WIPF2: variants seen among roughly 807,000 people sequenced by gnomAD.
The protein encoded by WIPF2 is WAS/WASL interacting protein family member 2, also known as WAS/WASL-interacting protein family member 2.
A neutral mutation model predicts 38.8 loss-of-function variants in WIPF2; 23 were observed. The ratio of observed to expected loss-of-function variants is 0.59; its 90% CI spans 0.43 to 0.84. The LOEUF is 0.84. Among genes scored for constraint, WIPF2 ranks in the 40% least tolerant of loss-of-function variants. The pLI, the probability that WIPF2 is intolerant of heterozygous loss-of-function variation, is 0.00. For missense variants in WIPF2, 574 were observed against 580.5 expected (o/e 0.99, Z 0.11); for synonymous variants, 210 against 223.2 (o/e 0.94, Z 0.53).
Position 40,278,552 on chromosome 17 carries a change from C to G in WIPF2, c.*327C>G, listed in dbSNP as rs1395182177. 1 of 316,866 alleles carries G rather than the reference C, an allele frequency of 3.2e-6. No homozygotes were observed. The highest frequency in any genetic ancestry group is 2.1e-5 in the African/African-American group (1 of 47,090). The allele number at this position is 316,866 out of a possible 1,614,324, so 19.6% of individuals were successfully genotyped here. A position where few individuals can be genotyped will look rare whatever the true frequency, so the allele number is the denominator to read the frequency against. On this transcript the variant is annotated 3_prime_UTR_variant, in exon 8 of 8. Transcript: ENST00000323571. ...TGCCTTGTTGTGATGAATTAACTCA[C>G]TGTTAGGGCAGGGTGGAGAATGGTA...
At chr17:40,242,135 T>G (rs950607271) in intron 1 of WIPF2, among the ~76,000 whole-genome samples, 6 of 152,212 alleles carry the variant, frequency 3.9e-5, no homozygotes, top group Non-Finnish European at 7.3e-5. Context: ...AACAGTTTTT[T>G]GGAAGGCTAT....
intron 2 of WIPF2, among the ~76,000 whole-genome samples, chr17:40,257,371 C>T (rs1014764573): frequency 3.3e-5 from 5 of 152,018 alleles, no homozygotes; most frequent in Non-Finnish European, 7.4e-5. Flanking sequence ...AGTTGAACAC[C>T]TTATCAAGAA....
At chr17:40,253,245 G>A (rs1363522485) in intron 1 of WIPF2, among the ~76,000 whole-genome samples, 1 of 151,688 alleles carries the variant, frequency 6.6e-6, no homozygotes, top group Non-Finnish European at 1.5e-5. Context: ...TGTATTTTTA[G>A]TAGAGACAGG....
At position 40,222,810 on chromosome 17, in the gene WIPF2, A is replaced by G. The variant is rs1449336967; in HGVS notation, c.-70+3318A>G. ...CTCAGTCCCCCAAGTAACTGGTACT[A>G]TAGGCATGCACCACCACGCCCAGCT... On this transcript the variant is annotated intron_variant, in intron 1 of 7. Coordinates refer to ENST00000323571, the MANE Select transcript of WIPF2 (RefSeq NM_133264.5). Among the ~76,000 whole-genome samples the G allele has an allele frequency of 6.0e-5, 9 of 148,942 alleles. No homozygotes were observed. In the East Asian group the frequency reaches 1.4e-3, roughly 24 times the overall value.
At chr17:40,254,731 A>C (rs1165631430) in intron 1 of WIPF2, among the ~76,000 whole-genome samples, 1 of 149,988 alleles carries the variant, frequency 6.7e-6, no homozygotes, top group Non-Finnish European at 1.5e-5. Flanking sequence ...ACTAAGAATG[A>C]TTTTTCCTTT....
At chr17:40,254,550 G>A (rs1429134222) in intron 1 of WIPF2, among the ~76,000 whole-genome samples, 2 of 151,968 alleles carry the variant, frequency 1.3e-5, no homozygotes, top group Non-Finnish European at 2.9e-5. Flanking sequence ...TGTAAAATGA[G>A]GATTACTTGC....
At chr17:40,272,048 T>G (rs2032265898) in intron 5 of WIPF2, among the ~76,000 whole-genome samples, 2 of 151,966 alleles carry the variant, frequency 1.3e-5, no homozygotes, top group Admixed American at 6.6e-5. Context: ...AGGCAGAGTT[T>G]TGTTCTTGTT....
At position 40,282,805 on chromosome 17, in the gene WIPF2, T is replaced by A. The variant is rs1465344592; in HGVS notation, c.*4580T>A. 1 of 152,106 alleles carries A rather than the reference T, an allele frequency of 6.6e-6. No individual in the cohort carries two copies. Among genetic ancestry groups the A allele is most frequent in the Non-Finnish European group, 1.5e-5 (1 of 68,026 alleles). 9.4% of individuals were successfully genotyped at this position (152,106 alleles called of 1,614,324 possible). A position where few individuals can be genotyped will look rare whatever the true frequency, so the allele number is the denominator to read the frequency against. On this transcript the variant is annotated 3_prime_UTR_variant, in exon 8 of 8. Transcript: ENST00000323571. ...TGTAGTGGTTTGATTCCAGGTCCCT[T>A]GAAAAAGTAGATCTACTGAATTGGG...
chr17:40,279,542 T>C lies in WIPF2; in HGVS notation c.*1317T>C, dbSNP rs2032499420. On this transcript the variant is annotated 3_prime_UTR_variant, in exon 8 of 8. Coordinates refer to ENST00000323571, the MANE Select transcript of WIPF2 (RefSeq NM_133264.5). ...GTAGATCTTCCTTGGCAGCCAGCCA[T>C]AGGTTGTTTCTTTGTCTTCCGGGTC... 6.6e-6 allele frequency: 1 copy of C among 152,620 alleles called. No individual in the cohort carries two copies. The highest frequency in any genetic ancestry group is 2.1e-4 in the South Asian group (1 of 4,832). The allele number at this position is 152,620 out of a possible 1,614,324, so 9.5% of individuals were successfully genotyped here.
At chr17:40,257,128 G>A (rs1477941688) in intron 2 of WIPF2, among the ~76,000 whole-genome samples, 8 of 151,954 alleles carry the variant, frequency 5.3e-5, no homozygotes, top group African/African-American at 1.7e-4. Flanking sequence ...ACAGGCACGC[G>A]CCACCACGCC....
intron 1 of WIPF2, among the ~76,000 whole-genome samples, chr17:40,222,654 GTTTTTTTTTTTTTTTTTTTTTT>G (rs58758484): frequency 0.048 from 2,566 of 53,198 alleles, 200 homozygotes; most frequent in African/African-American, 0.16. Flanking sequence ...TGCATATTCA[GTTTTTTTTTTTTTTTTTTTTTT>G]TTTTTTTTTT....
chr17:40,230,072 T>A (rs2030675904), intron 1 of WIPF2, among the ~76,000 whole-genome samples: 1 of 152,164 alleles, frequency 6.6e-6, no homozygotes, highest in Non-Finnish European at 1.5e-5. Flanking sequence ...GCATGGTGGC[T>A]CATGCCTGTA....
intron 1 of WIPF2, among the ~76,000 whole-genome samples, chr17:40,250,247 T>TTTTTTA (rs2031513579): frequency 7.3e-6 from 1 of 137,572 alleles, no homozygotes; most frequent in African/African-American, 2.8e-5. Context: ...TTTTTTTTTT[T>TTTTTTA]GAGACAAAGT....
Position 40,245,234 on chromosome 17 carries a change from C to G in WIPF2, c.-69-11157C>G, listed in dbSNP as rs182779593. On this transcript the variant is annotated intron_variant, in intron 1 of 7. Coordinates refer to ENST00000323571, the MANE Select transcript of WIPF2 (RefSeq NM_133264.5). Reference sequence around the variant, plus strand: ...TAACTGTTATACTGAGATTTTATTTCTTCCTTCTTACACTAGAATGTAAGC... The same window carrying G: ...TAACTGTTATACTGAGATTTTATTTGTTCCTTCTTACACTAGAATGTAAGC... Among the ~76,000 whole-genome samples the G allele has an allele frequency of 2.7e-5, 4 of 149,312 alleles. No individual in the cohort carries two copies. The East Asian group carries it at 8.4e-4, about 31-fold the overall frequency.
chr17:40,227,302 G>T, intron 1 of WIPF2, among the ~76,000 whole-genome samples: 1 of 152,120 alleles, frequency 6.6e-6, no homozygotes, highest in Non-Finnish European at 1.5e-5. Context: ...GCCTTCCAAA[G>T]TGCTGGGATT....
chr17:40,239,494 C>T (rs1414835663), intron 1 of WIPF2, among the ~76,000 whole-genome samples: 4 of 152,018 alleles, frequency 2.6e-5, no homozygotes, highest in Non-Finnish European at 5.9e-5. Flanking sequence ...CAGTCCCCTG[C>T]CTAGAGAGTA....
At chr17:40,229,260 C>T (rs1261275802) in intron 1 of WIPF2, among the ~76,000 whole-genome samples, 1 of 151,248 alleles carries the variant, frequency 6.6e-6, no homozygotes, top group Non-Finnish European at 1.5e-5. Context: ...TACAGGCATG[C>T]ATCACCACGC....
At chr17:40,228,987 T>G (rs1400886913) in intron 1 of WIPF2, among the ~76,000 whole-genome samples, 1 of 151,856 alleles carries the variant, frequency 6.6e-6, no homozygotes, top group Non-Finnish European at 1.5e-5. Flanking sequence ...CACTGCGACC[T>G]CCACCTCCTG....
chr17:40,220,610 T>A (rs1252482985), intron 1 of WIPF2: 18 of 121,200 alleles, frequency 1.5e-4, no homozygotes, highest in African/African-American at 6.4e-4. Context: ...TATATATATA[T>A]ATATATATGT....
Sources: allele counts gnomAD v4.1 joint callset (sites outside exome capture counted in the v4.1 genomes callset), GRCh38; gene constraint gnomAD v4.1.1; transcripts MANE v1.5; gene names NCBI Gene and HGNC (gene_info 2026-07-23, HGNC 2026-07-21).